CPVL: variants seen among roughly 807,000 people sequenced by gnomAD.
CPVL encodes carboxypeptidase vitellogenic like.
CPVL carries 51 observed loss-of-function variants against 63.7 expected under a neutral mutation model. The observed-to-expected ratio is 0.80, with a 90% CI of 0.64 to 1.01. The LOEUF (loss-of-function observed/expected upper bound fraction) is 1.01. CPVL is among the 50% of genes least tolerant of loss of function. The pLI, the probability that CPVL is intolerant of heterozygous loss-of-function variation, is 0.00. For missense variants in CPVL, 530 were observed against 573.1 expected, an observed-to-expected ratio of 0.92 and a Z score of 0.77; for synonymous variants, 195 against 206.0, an observed-to-expected ratio of 0.95 and a Z score of 0.46.
chr7:29,096,102 C>T lies in CPVL; in HGVS notation c.403+1G>A. On this transcript the variant is annotated splice_donor_variant, in intron 4 of 12. Transcript: ENST00000265394. LOFTEE classifies it high-confidence loss of function. The stretch of plus-strand genomic sequence containing the variant: ...GGAAATACAGTGCAAGGGATACTTA[C>T]AGGTCATGTTACTTGTGACAACATA... 2.5e-6 allele frequency: 4 copies of T among 1,609,822 alleles called. No homozygotes were observed. The highest frequency in any genetic ancestry group is 4.5e-5 in the East Asian group (2 of 44,860).
chr7:29,060,059 C>T (rs1178003692), intron 11 of CPVL, among the ~76,000 whole-genome samples: 1 of 152,126 alleles, frequency 6.6e-6, no homozygotes, highest in African/African-American at 2.4e-5. Context: ...GAAGCCTGTC[C>T]ATTCTTTTTT....
At chr7:29,104,498 T>G (rs1340635826) in intron 3 of CPVL, among the ~76,000 whole-genome samples, 1 of 152,214 alleles carries the variant, frequency 6.6e-6, no homozygotes, top group African/African-American at 2.4e-5. Flanking sequence ...TGACCTCAAG[T>G]GATCCACCTG....
At chr7:29,188,948 CTT>C (rs11376135) in intron 1 of CPVL, among the ~76,000 whole-genome samples, 11 of 129,918 alleles carry the variant, frequency 8.5e-5, no homozygotes, top group Admixed American at 2.4e-4. Context: ...TTCCTCATAC[CTT>C]TTTTTTTTTT....
intron 9 of CPVL, among the ~76,000 whole-genome samples, chr7:29,070,755 C>T (rs1160849515): frequency 2.6e-5 from 4 of 152,302 alleles, no homozygotes; most frequent in Non-Finnish European, 2.9e-5. Context: ...CAAGGGCGGT[C>T]ACTGCCTTGG....
chr7:29,185,938 C>T (rs906913538), intron 2 of CPVL, among the ~76,000 whole-genome samples: 12 of 152,288 alleles, frequency 7.9e-5, no homozygotes, highest in Middle Eastern at 3.4e-3. Flanking sequence ...GATAGGGAAA[C>T]TCGCCCATGT....
chr7:29,089,550 G>A (rs2128601859), intron 6 of CPVL, among the ~76,000 whole-genome samples: 1 of 152,260 alleles, frequency 6.6e-6, no homozygotes, highest in East Asian at 1.9e-4. Context: ...CTGGGCGGAA[G>A]CAGCTTTCCA....
chr7:29,090,374 G>A (rs1785645147), intron 6 of CPVL, among the ~76,000 whole-genome samples: 1 of 152,202 alleles, frequency 6.6e-6, no homozygotes, highest in Non-Finnish European at 1.5e-5. Context: ...ACAGGACACA[G>A]AGTTTTCTCA....
intron 6 of CPVL, among the ~76,000 whole-genome samples, chr7:29,087,346 C>T (rs1785311570): frequency 6.7e-6 from 1 of 150,134 alleles, no homozygotes; most frequent in Non-Finnish European, 1.5e-5. Flanking sequence ...ATCACTTCAA[C>T]CAGGGAGGCT....
exon 4 of CPVL, chr7:29,184,468 A>C (rs1798468107): frequency 6.6e-6 from 1 of 152,162 alleles, no homozygotes; most frequent in Non-Finnish European, 1.5e-5. Flanking sequence ...GGCATGTAAG[A>C]GACCCAGGAG....
chr7:29,055,397 C>T (rs1389730319), intron 11 of CPVL, among the ~76,000 whole-genome samples: 4 of 151,994 alleles, frequency 2.6e-5, no homozygotes, highest in African/African-American at 7.2e-5. Context: ...TTACAGGCGC[C>T]CGCCACCATA....
intron 4 of CPVL, among the ~76,000 whole-genome samples, chr7:29,184,151 TGATAGATA>T (rs56102038): frequency 0.027 from 3,907 of 143,356 alleles, 87 homozygotes; most frequent in African/African-American, 0.062. Context: ...TACAGATAGA[TGATAGATA>T]GATAGATAGA....
At position 29,072,318 on chromosome 7, in the gene CPVL, A is replaced by G. The variant is rs1016257002; in HGVS notation, c.715T>C (p.Tyr239His). The change falls in exon 8 of 13, where the codon TAT becomes CAT. Residue 239 changes from tyrosine to histidine, a missense_variant. Coordinates refer to ENST00000265394, the MANE Select transcript of CPVL (RefSeq NM_031311.5). ...NLNGIAIGDGYSDPESIIGGY... is the reference protein window; with the variant it reads ...NLNGIAIGDGHSDPESIIGGY... The stretch of plus-strand genomic sequence containing the variant: ...AAACCTACTGATTCGGGATCAGAAT[A>G]TCCATCTCCAATAGCAATTCCGTTC... The G allele has an allele frequency of 6.2e-7, 1 of 1,614,126 alleles. No homozygotes were observed. Among genetic ancestry groups the G allele is most frequent in the Non-Finnish European group, 8.5e-7 (1 of 1,179,994 alleles).
At chr7:29,187,345 CTGTGTG>C (rs35253523) in intron 1 of CPVL, among the ~76,000 whole-genome samples, 1 of 149,148 alleles carries the variant, frequency 6.7e-6, no homozygotes, top group Non-Finnish European at 1.5e-5. Context: ...GTTTGTGTGT[CTGTGTG>C]TGTGTGTGTG....
At chr7:29,162,713 G>C (rs575684701) in intron 5 of CPVL, among the ~76,000 whole-genome samples, 1 of 150,448 alleles carries the variant, frequency 6.6e-6, no homozygotes, top group Non-Finnish European at 1.5e-5. Flanking sequence ...AGCCAGTCTC[G>C]AAGGATTACA....
intron 3 of CPVL, among the ~76,000 whole-genome samples, chr7:29,108,507 C>A (rs563871162): frequency 3.9e-5 from 6 of 152,232 alleles, no homozygotes; most frequent in African/African-American, 1.4e-4. Context: ...TCAGGTCCTT[C>A]TAATTTACAA....
At chr7:29,023,639 G>A (rs1787226028) in intron 12 of CPVL, among the ~76,000 whole-genome samples, 1 of 152,094 alleles carries the variant, frequency 6.6e-6, no homozygotes, top group African/African-American at 2.4e-5. Context: ...CAAAGAACTG[G>A]CCCACCTGGT....
chr7:29,157,569 A>G (rs528159899), intron 5 of CPVL, among the ~76,000 whole-genome samples: 1 of 152,330 alleles, frequency 6.6e-6, no homozygotes, highest in Admixed American at 6.5e-5. Context: ...CAAAGTATGA[A>G]AATATCACCC....
intron 6 of CPVL, among the ~76,000 whole-genome samples, chr7:29,091,318 T>C (rs888206788): frequency 6.6e-6 from 1 of 151,866 alleles, no homozygotes; most frequent in African/African-American, 2.4e-5. Context: ...GGGGGCCCGA[T>C]GCATCTCTTC....
At chr7:29,151,492 C>T (rs899158697), upstream of CPVL, among the ~76,000 whole-genome samples, 1 of 152,148 alleles carries the variant, frequency 6.6e-6, no homozygotes, top group Non-Finnish European at 1.5e-5. Flanking sequence ...TAGACATGGC[C>T]ACTAAGGACA....
Sources: allele counts gnomAD v4.1 joint callset (sites outside exome capture counted in the v4.1 genomes callset), GRCh38; gene constraint gnomAD v4.1.1; transcripts MANE v1.5; gene names NCBI Gene and HGNC (gene_info 2026-07-23, HGNC 2026-07-21).